Variants in CDH19 observed in about 807,000 individuals in gnomAD.
CDH19 encodes cadherin-19.
A neutral mutation model predicts 64.2 loss-of-function variants in CDH19; 67 were observed. That is an observed-to-expected ratio of 1.04 (90% CI 0.86 to 1.28). The LOEUF (loss-of-function observed/expected upper bound fraction) is 1.28, where lower values mean the gene tolerates loss of function less well. CDH19 is among the 50% of genes most tolerant of loss of function. The pLI, the probability that CDH19 is intolerant of heterozygous loss-of-function variation, is 0.00. For synonymous variants in CDH19, 346 were observed against 319.3 expected (o/e 1.08, Z -0.89); for missense variants, 1,030 against 929.0 (o/e 1.11, Z -1.41).
chr18:66,557,928 C>G (rs1987579403), intron 3 of CDH19, among the ~76,000 whole-genome samples: 1 of 151,756 alleles, frequency 6.6e-6, no homozygotes, highest in Non-Finnish European at 1.5e-5. Context: ...TTTGTATAAT[C>G]TTATCTCTGA....
At chr18:66,518,161 G>A (rs754810851) in intron 9 of CDH19, among the ~76,000 whole-genome samples, 16 of 151,808 alleles carry the variant, frequency 1.1e-4, no homozygotes, top group Admixed American at 5.9e-4. Flanking sequence ...ATTATTATAC[G>A]TATTATGTGT....
At chr18:66,600,960 T>C (rs1989023028) in intron 1 of CDH19, among the ~76,000 whole-genome samples, 2 of 151,902 alleles carry the variant, frequency 1.3e-5, no homozygotes, top group Non-Finnish European at 2.9e-5. Context: ...GCCCATTTAT[T>C]TCTCATCAAA....
At chr18:66,535,607 C>A (rs1178842227) in intron 7 of CDH19, among the ~76,000 whole-genome samples, 1 of 145,020 alleles carries the variant, frequency 6.9e-6, no homozygotes, top group Non-Finnish European at 1.5e-5. Flanking sequence ...ATCAGGAATC[C>A]AAAATATTTA....
intron 11 of CDH19, among the ~76,000 whole-genome samples, chr18:66,507,154 A>G (rs17798130): frequency 0.031 from 4,704 of 151,978 alleles, 112 homozygotes; most frequent in Non-Finnish European, 0.051. Context: ...TAGTCCCCCA[A>G]AATTATGCTT....
intron 1 of CDH19, among the ~76,000 whole-genome samples, chr18:66,602,770 A>T (rs1448052790): frequency 6.6e-6 from 1 of 151,880 alleles, no homozygotes; most frequent in African/African-American, 2.4e-5. Flanking sequence ...TTGTTTAAAA[A>T]TTTTGAATAA....
At chr18:66,565,584 T>C (rs1402223289) in intron 3 of CDH19, among the ~76,000 whole-genome samples, 2 of 151,920 alleles carry the variant, frequency 1.3e-5, no homozygotes, top group Non-Finnish European at 2.9e-5. Context: ...AATGAAGAAT[T>C]GAAGTTATAT....
Position 66,572,263 on chromosome 18 carries a change from A to G in CDH19, c.-59T>C. The G allele has an allele frequency of 7.3e-7, 1 of 1,360,746 alleles. No homozygotes were observed. The highest frequency in any genetic ancestry group is 1.0e-6 in the Non-Finnish European group (1 of 982,088). The allele number at this position is 1,360,746 out of a possible 1,614,324, so 84.3% of individuals were successfully genotyped here. On this transcript the variant is annotated 5_prime_UTR_variant, in exon 2 of 12. Transcript: ENST00000262150. ...TCAGAGGAAACAGGACGTCACTAAC[A>G]AAAATCTTGCTTTCTTTTATAATCT... is the stretch of plus-strand genomic sequence containing the variant.
In CDH19 at chr18:66,511,613, C is replaced by A; in HGVS notation, c.1531G>T (p.Val511Leu). ...AAACTTGAATTGTTAGTGTCTTCTA[C>A]AGATAGATTAAAGTAAAAATGGTGC... is the stretch of plus-strand genomic sequence containing the variant. ...EEHHFYFNLS[V>L]EDTNNSSFTI... Residue 511 changes from valine (V) to leucine (L), a missense_variant, in exon 10 of 12, where the codon GTA (valine) becomes TTA (leucine). Physicochemically the swap from Val to Leu is conservative, Grantham distance 32. Coordinates refer to ENST00000262150, the MANE Select transcript of CDH19 (RefSeq NM_021153.4). The A allele has an allele frequency of 6.4e-7, 1 of 1,554,042 alleles. No homozygotes were observed.
rs575499866 is a variant in CDH19, at chr18:66,577,428, T to A, written c.-112-5112A>T. 1.5e-4 allele frequency among the ~76,000 whole-genome samples: 23 copies of A among 152,032 alleles called. 1 individual carries two copies. The South Asian group carries it at 4.6e-3, about 30-fold the overall frequency. On this transcript the variant is annotated intron_variant, in intron 1 of 11. Transcript: ENST00000262150. ...CAAAGTGTACAAATACACCTACATTTATGTGATCAATTGATTTTTGAAAAA... is the reference window on the plus strand; with the variant it reads ...CAAAGTGTACAAATACACCTACATTAATGTGATCAATTGATTTTTGAAAAA...
At chr18:66,585,522 G>C (rs1988551750) in intron 1 of CDH19, among the ~76,000 whole-genome samples, 1 of 152,016 alleles carries the variant, frequency 6.6e-6, no homozygotes, top group South Asian at 2.1e-4. Flanking sequence ...TGCCTCTCAA[G>C]GTCTGTGTTC....
intron 1 of CDH19, among the ~76,000 whole-genome samples, chr18:66,602,290 T>C (rs922622217): frequency 2.0e-5 from 3 of 151,918 alleles, no homozygotes; most frequent in African/African-American, 7.2e-5. Flanking sequence ...AGATCATGAG[T>C]GGCAAAAATG....
At position 66,535,066 on chromosome 18, in the gene CDH19, T is replaced by C; in HGVS notation, c.1256A>G (p.Asn419Ser). Reference protein sequence around the residue: ...TRSKVFNINDNGTITTSNSLD... With the variant: ...TRSKVFNINDSGTITTSNSLD... ...TGAGTTACTTGTAGTGATTGTACCA[T>C]TATCATTGATATTGAACACTTTGCT... The change falls in exon 8 of 12, where the codon AAT becomes AGT. Residue 419 changes from asparagine (N) to serine (S), a missense_variant. Coordinates refer to ENST00000262150, the MANE Select transcript of CDH19 (RefSeq NM_021153.4). The C allele has an allele frequency of 6.6e-7, 1 of 1,506,048 alleles. No individual in the cohort carries two copies. The highest frequency in any genetic ancestry group is 9.0e-7 in the Non-Finnish European group (1 of 1,107,460). 93.3% of individuals were successfully genotyped at this position (1,506,048 alleles called of 1,614,324 possible).
At chr18:66,524,390 A>G (rs1316607263) in intron 9 of CDH19, among the ~76,000 whole-genome samples, 6 of 151,840 alleles carry the variant, frequency 4.0e-5, no homozygotes, top group Admixed American at 2.6e-4. Context: ...GTTAATAACA[A>G]TTGACTATGG....
intron 3 of CDH19, among the ~76,000 whole-genome samples, chr18:66,566,477 C>A (rs1031904994): frequency 2.0e-5 from 3 of 151,868 alleles, no homozygotes; most frequent in Non-Finnish European, 4.4e-5. Context: ...TAGCATCTCA[C>A]ATTTCATTTT....
intron 1 of CDH19, among the ~76,000 whole-genome samples, chr18:66,589,261 T>C (rs1322057906): frequency 1.3e-5 from 2 of 149,664 alleles, no homozygotes; most frequent in South Asian, 4.2e-4. Context: ...CATATATATA[T>C]ATACACACAT....
intron 1 of CDH19, among the ~76,000 whole-genome samples, chr18:66,582,370 C>A (rs1988448278): frequency 1.3e-5 from 2 of 151,780 alleles, no homozygotes; most frequent in Admixed American, 6.6e-5. Flanking sequence ...TCAAGGGAAA[C>A]TTGGCAGCTT....
At chr18:66,574,379 G>T (rs1295178913) in intron 1 of CDH19, among the ~76,000 whole-genome samples, 2 of 151,526 alleles carry the variant, frequency 1.3e-5, no homozygotes, top group Non-Finnish European at 3.0e-5. Flanking sequence ...CAGAAGAAAT[G>T]TTGAACGTGT....
chr18:66,542,965 C>G (rs77376223), intron 7 of CDH19, among the ~76,000 whole-genome samples: 22,863 of 152,200 alleles, frequency 0.15, 1,860 homozygotes, highest in South Asian at 0.25. Flanking sequence ...TTGAGGACCA[C>G]TGCTATAAAA....
intron 3 of CDH19, among the ~76,000 whole-genome samples, chr18:66,556,926 T>C (rs920976730): frequency 1.3e-5 from 2 of 151,846 alleles, no homozygotes; most frequent in African/African-American, 4.8e-5. Flanking sequence ...CAAGTGTTGG[T>C]GAGAGTATAG....
Sources: allele counts gnomAD v4.1 joint callset (sites outside exome capture counted in the v4.1 genomes callset), GRCh38; gene constraint gnomAD v4.1.1; transcripts MANE v1.5; gene names NCBI Gene and HGNC (gene_info 2026-07-23, HGNC 2026-07-21).